Variants in GBP2 observed in about 807,000 individuals in gnomAD.
The protein encoded by GBP2 is guanylate binding protein 2.
Under a neutral mutation model 60.8 loss-of-function variants are expected in GBP2, and 54 were observed. The observed-to-expected ratio is 0.89, with a 90% CI of 0.71 to 1.11. GBP2 has a LOEUF of 1.11. GBP2 is among the 50% of genes most tolerant of loss of function. GBP2 has a pLI of 0.00. For missense variants in GBP2, 665 were observed against 703.3 expected (o/e 0.95, Z 0.62); for synonymous variants, 243 against 256.5 (o/e 0.95, Z 0.50).
chr1:89,115,571 C>A (rs1256870138), intron 6 of GBP2, among the ~76,000 whole-genome samples: 1 of 152,082 alleles, frequency 6.6e-6, no homozygotes, highest in African/African-American at 2.4e-5. Context: ...ATTCAGTCTT[C>A]TCTTGTTCCA....
intron 8 of GBP2, among the ~76,000 whole-genome samples, chr1:89,111,768 T>C (rs1195027837): frequency 3.3e-5 from 5 of 152,170 alleles, no homozygotes; most frequent in African/African-American, 7.2e-5. Context: ...TCAATAATAA[T>C]TTAATTGTAC....
At chr1:89,116,056 A>T (rs1043718643) in intron 6 of GBP2, among the ~76,000 whole-genome samples, 1 of 152,072 alleles carries the variant, frequency 6.6e-6, no homozygotes, top group African/African-American at 2.4e-5. Context: ...TCTGTCTCCC[A>T]GGCTGGAGTG....
chr1:89,123,418 A>G (rs886789990), intron 1 of GBP2, among the ~76,000 whole-genome samples: 3 of 152,194 alleles, frequency 2.0e-5, no homozygotes, highest in Non-Finnish European at 4.4e-5. Flanking sequence ...TCTAATTCCA[A>G]TTCAACAAAA....
At chr1:89,117,275 A>G (rs1681297049) in intron 5 of GBP2, 41 bp from the exon 6 acceptor site, 3 of 1,486,808 alleles carry the variant, frequency 2.0e-6, no homozygotes, top group Non-Finnish European at 2.8e-6. Flanking sequence ...CTTCAAATTA[A>G]TTACTTCAAA....
intron 1 of GBP2, among the ~76,000 whole-genome samples, chr1:89,124,352 C>T (rs992548996): frequency 1.3e-5 from 2 of 152,200 alleles, no homozygotes; most frequent in East Asian, 3.8e-4. Context: ...TGAATTCCCA[C>T]CAGATCATCT....
At chr1:89,110,520 A>AC (rs1412912418) in intron 8 of GBP2, among the ~76,000 whole-genome samples, 11 of 152,228 alleles carry the variant, frequency 7.2e-5, no homozygotes, top group Admixed American at 7.2e-4. Flanking sequence ...CACACCATGG[A>AC]ATACTACTCA....
At chr1:89,112,867 T>G in intron 7 of GBP2, 183 bp from the exon 8 acceptor site, 1 of 590,014 alleles carries the variant, frequency 1.7e-6, no homozygotes, top group Non-Finnish European at 3.0e-6. Context: ...ATTTATCTAC[T>G]TCTCTGTTTG....
chr1:89,112,020 G>A (rs1681177069), intron 8 of GBP2, among the ~76,000 whole-genome samples: 1 of 152,202 alleles, frequency 6.6e-6, no homozygotes, highest in Non-Finnish European at 1.5e-5. Flanking sequence ...GAATTGCTCT[G>A]AGTATTAAAT....
chr1:89,106,169 A>G lies in GBP2; in HGVS notation c.*2006T>C, dbSNP rs1681049338. ...GTTATTTTTTTTTTTAGAAAAAGAG[A>G]CTATTCATTTATCTGAGAGTGACTA... On this transcript the variant is annotated 3_prime_UTR_variant, in exon 11 of 11. Coordinates refer to ENST00000370466, the MANE Select transcript of GBP2 (RefSeq NM_004120.5). 1 of 152,028 alleles carries G rather than the reference A, an allele frequency of 6.6e-6. No homozygotes were observed. The highest frequency in any genetic ancestry group is 1.5e-5 in the Non-Finnish European group (1 of 68,000). 9.4% of individuals were successfully genotyped at this position (152,028 alleles called of 1,614,324 possible).
At chr1:89,119,170 A>T (rs1019215112) in intron 4 of GBP2, 20 of 152,194 alleles carry the variant, frequency 1.3e-4, no homozygotes, top group Non-Finnish European at 2.1e-4. Context: ...ACCAATAAGG[A>T]AGGTGGAAAA....
chr1:89,125,122 G>T (rs976940205), intron 1 of GBP2, among the ~76,000 whole-genome samples: 1 of 152,124 alleles, frequency 6.6e-6, no homozygotes, highest in African/African-American at 2.4e-5. Flanking sequence ...CTCAATCCCT[G>T]TAACTTAAAA....
chr1:89,123,424 C>T (rs1005113429), intron 1 of GBP2, among the ~76,000 whole-genome samples: 19 of 152,174 alleles, frequency 1.2e-4, no homozygotes, highest in Admixed American at 2.6e-4. Context: ...TCCAATTCAA[C>T]AAAACAAAAC....
intron 10 of GBP2, among the ~76,000 whole-genome samples, chr1:89,108,781 C>T (rs959436177): frequency 1.3e-5 from 2 of 152,100 alleles, no homozygotes; most frequent in African/African-American, 4.8e-5. Flanking sequence ...CTTACAGTGG[C>T]CCATAGGCTA....
In GBP2 at chr1:89,109,677, C is replaced by T. The variant is rs1324007806; in HGVS notation, c.1659G>A (p.Gln553=). The change falls in exon 10 of 11, where the codon CAG becomes CAA. Residue 553 remains glutamine, a splice_region_variant and synonymous_variant. Transcript: ENST00000370466. ...EQEKTLALKL[Q]EQERLLKEGF... Reference sequence around the variant, plus strand: ...AAATTGAGATGATGCAATTGAATACCTGAAGTTTAAGAGCGAGGGTCTTCT... The same window carrying T: ...AAATTGAGATGATGCAATTGAATACTTGAAGTTTAAGAGCGAGGGTCTTCT... The T allele has an allele frequency of 1.2e-6, 2 of 1,612,460 alleles. No individual in the cohort carries two copies. The highest frequency in any genetic ancestry group is 3.3e-5 in the Admixed American group (2 of 59,842).
At chr1:89,123,540 A>C (rs1435883280) in intron 1 of GBP2, among the ~76,000 whole-genome samples, 2 of 152,236 alleles carry the variant, frequency 1.3e-5, no homozygotes, top group Non-Finnish European at 2.9e-5. Context: ...TTTGTTTTAA[A>C]GTTACTAACT....
chr1:89,110,065 C>A, intron 9 of GBP2, 99 bp downstream of exon 9: 1 of 976,598 alleles, frequency 1.0e-6, no homozygotes, highest in Non-Finnish European at 1.6e-6. Flanking sequence ...ATGATACTTG[C>A]CATTCTTTCT....
rs576487726 is a variant in GBP2, at chr1:89,123,114, T to C, written c.-17-1131A>G. ...CCCAGGTACTATGGACGTGCTTCCA[T>C]CATATTTTCAGTGCGTCTTTCCTTC... is the stretch of plus-strand genomic sequence containing the variant. On this transcript the variant is annotated intron_variant, in intron 1 of 10. Transcript: ENST00000370466. Among the ~76,000 whole-genome samples the C allele has an allele frequency of 4.7e-4, 71 of 152,304 alleles. No homozygotes were observed. In the South Asian group the frequency reaches 0.015, roughly 31 times the overall value.
intron 6 of GBP2, among the ~76,000 whole-genome samples, chr1:89,116,549 C>T (rs1341943271): frequency 6.6e-6 from 1 of 151,406 alleles, no homozygotes; most frequent in African/African-American, 2.4e-5. Context: ...TTCTTTTATC[C>T]ATCATTATAC....
At chr1:89,125,488 A>G (rs1289750340) in intron 1 of GBP2, among the ~76,000 whole-genome samples, 9 of 152,202 alleles carry the variant, frequency 5.9e-5, no homozygotes, top group Non-Finnish European at 1.5e-5. Flanking sequence ...AAGCTCCCTA[A>G]TTATAATAAC....
Sources: gnomAD v4.1 joint callset for allele counts (sites outside exome capture counted in the v4.1 genomes callset) on GRCh38, gnomAD v4.1.1 for gene constraint, MANE v1.5 for transcripts, NCBI Gene and HGNC (gene_info 2026-07-23, HGNC 2026-07-21) for gene names.